The following RSRC1 variants were observed in gnomAD, a reference collection of about 807,000 sequenced individuals.
The protein encoded by RSRC1 is arginine and serine rich coiled-coil 1, also known as serine/Arginine-related protein 53.
RSRC1 carries 39 observed loss-of-function variants against 49.1 expected under a neutral mutation model. That is an observed-to-expected ratio of 0.79 (90% CI 0.61 to 1.04). RSRC1 has a LOEUF of 1.04. Among genes scored for constraint, RSRC1 ranks in the 50% least tolerant of loss-of-function variants. The probability of loss-of-function intolerance (pLI) is 0.00; values close to 1 mark genes in which losing one functional copy is unlikely to be tolerated. For synonymous variants in RSRC1, 143 were observed against 130.8 expected (o/e 1.09, Z -0.63); for missense variants, 388 against 402.4 (o/e 0.96, Z 0.31).
chr3:158,256,351 G>A (rs73166352), intron 4 of RSRC1, among the ~76,000 whole-genome samples: 20,950 of 152,206 alleles, frequency 0.14, 1,576 homozygotes, highest in Middle Eastern at 0.21. Context: ...CTGTTCATGT[G>A]ATGGATTACA....
chr3:158,275,677 C>T, intron 4 of RSRC1: 1 of 390,690 alleles, frequency 2.6e-6, no homozygotes, highest in Non-Finnish European at 4.0e-6. Flanking sequence ...AACATTATTG[C>T]ACTTTAACTT....
chr3:158,477,039 T>C (rs1356819771), intron 7 of RSRC1, among the ~76,000 whole-genome samples: 1 of 152,104 alleles, frequency 6.6e-6, no homozygotes, highest in Non-Finnish European at 1.5e-5. Flanking sequence ...GTGTTGGAAA[T>C]AGGAGAAAAA....
chr3:158,470,781 A>G (rs1159959531), intron 7 of RSRC1, among the ~76,000 whole-genome samples: 3 of 152,168 alleles, frequency 2.0e-5, no homozygotes, highest in African/African-American at 7.2e-5. Context: ...ATAATTCAAG[A>G]TGAACAGCAG....
chr3:158,401,696 C>T (rs990218484), intron 6 of RSRC1, among the ~76,000 whole-genome samples: 4 of 151,676 alleles, frequency 2.6e-5, no homozygotes, highest in Admixed American at 6.6e-5. Context: ...GTAAAGAAAC[C>T]GTGATATGTA....
intron 3 of RSRC1, among the ~76,000 whole-genome samples, chr3:158,145,137 T>A (rs1175104067): frequency 6.6e-6 from 1 of 152,208 alleles, no homozygotes; most frequent in African/African-American, 2.4e-5. Flanking sequence ...TGAGTTTAAT[T>A]AGATCCCATT....
chr3:158,229,651 T>C (rs903671444), intron 4 of RSRC1, among the ~76,000 whole-genome samples: 2 of 151,884 alleles, frequency 1.3e-5, no homozygotes, highest in Non-Finnish European at 2.9e-5. Context: ...TGAAACTCTT[T>C]ATTTGATACA....
intron 3 of RSRC1, among the ~76,000 whole-genome samples, chr3:158,189,937 A>G (rs1720139864): frequency 6.6e-6 from 1 of 152,004 alleles, no homozygotes; most frequent in African/African-American, 2.4e-5. Flanking sequence ...CTTGACTTAC[A>G]TATAAGTCTA....
intron 3 of RSRC1, among the ~76,000 whole-genome samples, chr3:158,193,619 CT>C (rs1294683917): frequency 1.3e-5 from 2 of 152,028 alleles, no homozygotes; most frequent in African/African-American, 4.8e-5. Context: ...AAAAGGCTGC[CT>C]TCCATTTATA....
At chr3:158,472,021 A>ACTAATATAGAT (rs1738153531) in intron 7 of RSRC1, among the ~76,000 whole-genome samples, 1 of 152,180 alleles carries the variant, frequency 6.6e-6, no homozygotes, top group African/African-American at 2.4e-5. Flanking sequence ...TTTAAAAAGC[A>ACTAATATAGAT]CTAAAATATA....
intron 6 of RSRC1, among the ~76,000 whole-genome samples, chr3:158,404,967 A>T (rs1734083933): frequency 6.6e-6 from 1 of 151,978 alleles, no homozygotes; most frequent in Non-Finnish European, 1.5e-5. Context: ...AAAGGAAAAA[A>T]ATCACTGTGA....
rs551349757 is a variant in RSRC1, at chr3:158,306,364, A to G, written c.531+8289A>G. Among the ~76,000 whole-genome samples the G allele has an allele frequency of 2.6e-5, 4 of 152,030 alleles. No homozygotes were observed. In the East Asian group the frequency reaches 7.7e-4, roughly 29 times the overall value. ...TTTTATTTGTTCAGTGCTAGATGCA[A>G]TATGTATACACACACGTGAAGCTGG... is the stretch of plus-strand genomic sequence containing the variant. On this transcript the variant is annotated intron_variant, in intron 5 of 9. Transcript: ENST00000611884.
chr3:158,222,969 G>A (rs546458098), intron 4 of RSRC1, among the ~76,000 whole-genome samples: 17 of 151,620 alleles, frequency 1.1e-4, no homozygotes, highest in South Asian at 2.1e-4. Context: ...TAGTAATTTC[G>A]TTTATTTTCT....
rs1715432163 is a variant in RSRC1, at chr3:158,123,633, TTTG to T, written c.195-232_195-230del. Reference sequence around the variant, plus strand: ...TTTCATACCATATAATCTGATGATATTTGGAAAGATTCTAAGACCCTTAATACC... The same window carrying T: ...TTTCATACCATATAATCTGATGATATGAAAGATTCTAAGACCCTTAATACC... On this transcript the variant is annotated intron_variant, in intron 2 of 9. Coordinates refer to ENST00000611884, the MANE Select transcript of RSRC1 (RefSeq NM_001271838.2). 3.3e-5 allele frequency among the ~76,000 whole-genome samples: 5 copies of T among 152,150 alleles called. No homozygotes were observed. In the South Asian group the frequency reaches 1.0e-3, roughly 32 times the overall value.
intron 4 of RSRC1, among the ~76,000 whole-genome samples, chr3:158,240,065 A>G (rs1723481429): frequency 1.3e-5 from 2 of 152,198 alleles, no homozygotes; most frequent in East Asian, 1.9e-4. Flanking sequence ...ATCCATAGGC[A>G]TACTATAGTC....
At chr3:158,149,068 G>A (rs543371399) in intron 3 of RSRC1, among the ~76,000 whole-genome samples, 1 of 152,346 alleles carries the variant, frequency 6.6e-6, no homozygotes, top group South Asian at 2.1e-4. Context: ...ACAGGCGTGA[G>A]CCACTGCGCC....
rs1732754980 is a variant in RSRC1 at position 158,382,492 on chromosome 3, A to G, written c.583+27584A>G. The stretch of plus-strand genomic sequence containing the variant: ...AGCCCTGACATCATTAGGCCATAGG[A>G]ATCTTTCAGCTTTATTATAATCTTA... On this transcript the variant is annotated intron_variant, in intron 6 of 9. Transcript: ENST00000611884. Among the ~76,000 whole-genome samples, 3 of 152,266 alleles carry G rather than the reference A, an allele frequency of 2.0e-5. No individual in the cohort carries two copies. In the South Asian group the frequency reaches 6.2e-4, roughly 32 times the overall value.
intron 7 of RSRC1, among the ~76,000 whole-genome samples, chr3:158,482,628 A>G (rs558708148): frequency 6.6e-6 from 1 of 152,050 alleles, no homozygotes; most frequent in Non-Finnish European, 1.5e-5. Context: ...GATAAAATAG[A>G]TGGAACCTCC....
chr3:158,468,043 C>G (rs1208916513), intron 7 of RSRC1, among the ~76,000 whole-genome samples: 1 of 152,208 alleles, frequency 6.6e-6, no homozygotes, highest in African/African-American at 2.4e-5. Context: ...ATGCCATTCT[C>G]CTGCCTCAGC....
At chr3:158,497,282 A>G (rs111681607) in intron 7 of RSRC1, among the ~76,000 whole-genome samples, 29,567 of 138,386 alleles carry the variant, frequency 0.21, 3,559 homozygotes, top group African/African-American at 0.36. Context: ...TTATTGGGGT[A>G]CAGGTGGTAT....
Sources: gnomAD v4.1 joint callset for allele counts (sites outside exome capture counted in the v4.1 genomes callset) on GRCh38, gnomAD v4.1.1 for gene constraint, MANE v1.5 for transcripts, NCBI Gene and HGNC (gene_info 2026-07-23, HGNC 2026-07-21) for gene names.